ZNF462: variants seen among roughly 807,000 people sequenced by gnomAD.
ZNF462 encodes the protein zinc finger PBX1-interacting protein.
In ZNF462, 10 loss-of-function variants were observed where a neutral mutation model predicts 201.9. That is an observed-to-expected ratio of 0.05 (90% CI 0.03 to 0.08). ZNF462 has a LOEUF of 0.08. Ranked by LOEUF, ZNF462 falls within the 10% of genes least tolerant of loss-of-function variation. The probability of loss-of-function intolerance (pLI) is 1.00; values close to 1 mark genes in which losing one functional copy is unlikely to be tolerated. For synonymous variants in ZNF462, 1,227 were observed against 1,193.3 expected (o/e 1.03, Z -0.58); for missense variants, 2,523 against 3,168.3 (o/e 0.80, Z 4.89).
At chr9:106,940,714 C>A (rs1830831234) in intron 7 of ZNF462, among the ~76,000 whole-genome samples, 3 of 151,766 alleles carry the variant, frequency 2.0e-5, no homozygotes, top group Non-Finnish European at 4.4e-5. Flanking sequence ...TCCTTAGCTA[C>A]TGTGTAGTAG....
In ZNF462 at chr9:107,009,665, G is replaced by A; in HGVS notation, c.7310G>A (p.Gly2437Asp). ...SEWERHVLRH[G>D]MALNDTKQVS... ...TGGGAAAGACATGTGCTGAGACACG[G>A]CATGTAAGTTGGGCCACTTCAAGGA... is the stretch of plus-strand genomic sequence containing the variant. The change falls in exon 12 of 13, where the codon GGC (glycine) becomes GAC (aspartate). Residue 2437 changes from glycine (G) to aspartate (D), a missense_variant. By Grantham distance (94) the Gly-to-Asp change is moderately conservative. Transcript: ENST00000277225. This position sits in a 1 kb window ranked among gnomAD's most constrained non-coding sequence, Gnocchi z 6.1. 1 of 1,603,632 alleles carries A rather than the reference G, an allele frequency of 6.2e-7. No homozygotes were observed. The highest frequency in any genetic ancestry group is 8.5e-7 in the Non-Finnish European group (1 of 1,175,140).
Position 106,895,192 on chromosome 9 carries a change from C to T in ZNF462, c.-30-28162C>T, listed in dbSNP as rs1013548437. Reference sequence around the variant, plus strand: ...AAAATTCAGTTAAAAGTATCATTTTCCATTTATTACCAAAGAGTAGACTGT... The same window carrying T: ...AAAATTCAGTTAAAAGTATCATTTTTCATTTATTACCAAAGAGTAGACTGT... On this transcript the variant is annotated intron_variant, in intron 1 of 12. Coordinates refer to ENST00000277225, the MANE Select transcript of ZNF462 (RefSeq NM_021224.6). This position sits in a 1 kb window ranked among gnomAD's most constrained non-coding sequence, Gnocchi z 4.4. Among the ~76,000 whole-genome samples, 1 of 152,096 alleles carries T rather than the reference C, an allele frequency of 6.6e-6. No homozygotes were observed. Among genetic ancestry groups the T allele is most frequent in the Non-Finnish European group, 1.5e-5 (1 of 68,014 alleles).
intron 7 of ZNF462, among the ~76,000 whole-genome samples, chr9:106,971,751 G>T (rs1372039175): frequency 6.6e-6 from 1 of 152,162 alleles, no homozygotes; most frequent in Admixed American, 6.5e-5. Flanking sequence ...GGTCTTAGGT[G>T]TGTTCCCTGC....
chr9:106,927,361 C>A lies in ZNF462; in HGVS notation c.3449C>A (p.Ala1150Asp). 1 of 1,614,092 alleles carries A rather than the reference C, an allele frequency of 6.2e-7. No individual in the cohort carries two copies. The highest frequency in any genetic ancestry group is 8.5e-7 in the Non-Finnish European group (1 of 1,180,002). The change falls in exon 3 of 13, where the codon GCT becomes GAT. Residue 1150 changes from alanine to aspartate, a missense_variant. Physicochemically the swap from Ala to Asp is moderately radical, Grantham distance 126. Transcript: ENST00000277225. ...GTTACTGCCAAATATATCAGACAGG[C>A]TCCTCCCACAGCTGCAATGATGAGA... ...IKVTAKYIRQ[A>D]PPTAAMMRGV...
chr9:106,915,018 T>C (rs1829709807), intron 1 of ZNF462, among the ~76,000 whole-genome samples: 1 of 152,118 alleles, frequency 6.6e-6, no homozygotes, highest in Non-Finnish European at 1.5e-5. Context: ...AACAGGTCCT[T>C]TGTACAAAAA....
Position 107,009,363 on chromosome 9 carries a change from C to T in ZNF462, c.7190-182C>T, listed in dbSNP as rs761097868. ...GGGCCCAAGAACCAGAAACAGTTCT[C>T]GAATGCTATTCAAGGAATGCCCTAA... On this transcript the variant is annotated intron_variant, in intron 11 of 12. Transcript: ENST00000277225. The surrounding 1 kb of genome is among the most constrained non-coding windows in gnomAD (Gnocchi z 6.1). 3.2e-5 allele frequency: 23 copies of T among 717,318 alleles called. No individual in the cohort carries two copies. The highest frequency in any genetic ancestry group is 4.7e-5 in the Non-Finnish European group (22 of 463,262). 44.4% of individuals were successfully genotyped at this position (717,318 alleles called of 1,614,324 possible).
At chr9:106,881,038 T>C (rs1409232109) in intron 1 of ZNF462, among the ~76,000 whole-genome samples, 1 of 152,208 alleles carries the variant, frequency 6.6e-6, no homozygotes, top group African/African-American at 2.4e-5. Context: ...GGTGACCCTT[T>C]CCTGCGTCAT....
Position 106,939,028 on chromosome 9 carries a change from G to A in ZNF462, c.6348G>A (p.Arg2116=). The part of the protein sequence containing the change: ...HGKALTLPRP[R]IVSLLSSHSH... ...AAGCCCTGACCCTCCCCAGGCCACG[G>A]ATCGTCAGTCTCCTCTCCTCACACT... is the stretch of plus-strand genomic sequence containing the variant. Residue 2116 remains arginine (R), a synonymous_variant, in exon 7 of 13, where the codon CGG becomes CGA. Transcript: ENST00000277225. 1 of 1,613,908 alleles carries A rather than the reference G, an allele frequency of 6.2e-7. No individual in the cohort carries two copies. The highest frequency in any genetic ancestry group is 8.5e-7 in the Non-Finnish European group (1 of 1,179,926).
chr9:106,988,366 G>A (rs1385802467), intron 10 of ZNF462, among the ~76,000 whole-genome samples: 1 of 152,080 alleles, frequency 6.6e-6, no homozygotes, highest in Non-Finnish European at 1.5e-5. Flanking sequence ...AACTGCCCAC[G>A]TGATTCAATT....
chr9:107,009,508 A>C lies in ZNF462; in HGVS notation c.7190-37A>C. ...TGACTTACCTATTCTGCTGATTCCC[A>C]CAGCACACAGGTAACACTTCTGCTT... On this transcript the variant is annotated intron_variant, in intron 11 of 12. Transcript: ENST00000277225. This position sits in a 1 kb window ranked among gnomAD's most constrained non-coding sequence, Gnocchi z 6.1. 1 of 1,612,640 alleles carries C rather than the reference A, an allele frequency of 6.2e-7. No individual in the cohort carries two copies. Among genetic ancestry groups the C allele is most frequent in the Non-Finnish European group, 8.5e-7 (1 of 1,179,056 alleles).
Position 106,925,686 on chromosome 9 carries a change from A to C in ZNF462, c.1774A>C (p.Thr592Pro). ...PPPTQQPQPPTQAAPLHPYKC... is the reference protein window; with the variant it reads ...PPPTQQPQPPPQAAPLHPYKC... ...ACCAACGCAGCAGCCACAGCCACCC[A>C]CACAAGCCGCACCTCTGCACCCATA... is the stretch of plus-strand genomic sequence containing the variant. Residue 592 changes from threonine (T) to proline (P), a missense_variant, in exon 3 of 13, where the codon ACA (threonine) becomes CCA (proline). Thr to Pro is a conservative substitution (Grantham distance 38, BLOSUM62 -1). Coordinates refer to ENST00000277225, the MANE Select transcript of ZNF462 (RefSeq NM_021224.6). The surrounding 1 kb of genome is among the most constrained non-coding windows in gnomAD (Gnocchi z 7.9). The C allele has an allele frequency of 1.2e-6, 2 of 1,614,082 alleles. No homozygotes were observed. The highest frequency in any genetic ancestry group is 1.7e-6 in the Non-Finnish European group (2 of 1,180,024).
intron 7 of ZNF462, among the ~76,000 whole-genome samples, chr9:106,940,409 T>C (rs1245173735): frequency 6.6e-6 from 1 of 152,192 alleles, no homozygotes; most frequent in Non-Finnish European, 1.5e-5. Flanking sequence ...CCTGATGATC[T>C]GACAGCCCAA....
intron 1 of ZNF462, among the ~76,000 whole-genome samples, chr9:106,866,400 C>G (rs563377122): frequency 6.6e-6 from 1 of 152,186 alleles, no homozygotes; most frequent in African/African-American, 2.4e-5. Context: ...TTTTTCAAAC[C>G]AAACTGTTGT....
rs1473514700 is a variant in ZNF462 at position 106,938,381 on chromosome 9, A to G, written c.6236-535A>G. 6.6e-6 allele frequency among the ~76,000 whole-genome samples: 1 copy of G among 152,210 alleles called. No homozygotes were observed. The highest frequency in any genetic ancestry group is 2.4e-5 in the African/African-American group (1 of 41,448). The stretch of plus-strand genomic sequence containing the variant: ...GGTTTATGAACTGGTCCAAAAATAT[A>G]TATATGTGGGATGAGAATGTGTATA... On this transcript the variant is annotated intron_variant, in intron 6 of 12. Transcript: ENST00000277225. This position sits in a 1 kb window ranked among gnomAD's most constrained non-coding sequence, Gnocchi z 4.4.
At chr9:106,941,458 T>C (rs1451714891) in intron 7 of ZNF462, among the ~76,000 whole-genome samples, 1 of 152,136 alleles carries the variant, frequency 6.6e-6, no homozygotes, top group Non-Finnish European at 1.5e-5. Context: ...CTCTATAACA[T>C]AGATATTCTG....
intron 1 of ZNF462, among the ~76,000 whole-genome samples, chr9:106,887,167 A>T (rs1195977193): frequency 6.6e-6 from 1 of 152,146 alleles, no homozygotes. Flanking sequence ...GTTTGAACGA[A>T]TGATAAGGTT....
At chr9:106,904,619 T>C (rs2131221336) in intron 1 of ZNF462, among the ~76,000 whole-genome samples, 1 of 152,314 alleles carries the variant, frequency 6.6e-6, no homozygotes, top group Admixed American at 6.5e-5. Flanking sequence ...GATGTTTTGT[T>C]CATATTTTCT....
intron 1 of ZNF462, among the ~76,000 whole-genome samples, chr9:106,899,243 G>A (rs111662677): frequency 1.9e-5 from 2 of 106,658 alleles, no homozygotes; most frequent in Non-Finnish European, 3.7e-5. Flanking sequence ...TGTGTGTGGG[G>A]GGGGGGGGGT....
intron 1 of ZNF462, among the ~76,000 whole-genome samples, chr9:106,882,691 A>G (rs1828150857): frequency 6.6e-6 from 1 of 152,232 alleles, no homozygotes; most frequent in Non-Finnish European, 1.5e-5. Flanking sequence ...AGTCTGAAAC[A>G]TTGGATAAGA....
Sources: allele counts gnomAD v4.1 joint callset (sites outside exome capture counted in the v4.1 genomes callset), GRCh38; gene constraint gnomAD v4.1.1; non-coding constraint Gnocchi (gnomAD v3.1); transcripts MANE v1.5; gene names NCBI Gene and HGNC (gene_info 2026-07-23, HGNC 2026-07-21).